PCDHA1: variants seen among roughly 807,000 people sequenced by gnomAD.
PCDHA1 encodes the protein protocadherin alpha 1.
In PCDHA1, 42 loss-of-function variants were observed where a neutral mutation model predicts 61.3. The observed-to-expected ratio is 0.69, with a 90% confidence interval of 0.54 to 0.89. The LOEUF (loss-of-function observed/expected upper bound fraction) is 0.89. PCDHA1 is among the 40% of genes least tolerant of loss of function. PCDHA1 has a pLI of 0.00. For synonymous variants in PCDHA1, 610 were observed against 553.8 expected (o/e 1.10, Z -1.43); for missense variants, 1,256 against 1,235.3 (o/e 1.02, Z -0.25).
At chr5:140,797,252 AC>A (rs558931090) in intron 1 of PCDHA1, 22 of 1,613,146 alleles carry the variant, frequency 1.4e-5, no homozygotes, top group Middle Eastern at 1.6e-4. Flanking sequence ...TCTGGGGAGG[AC>A]CCCCCCAAGA....
At chr5:140,805,118 T>C in intron 1 of PCDHA1, 1 of 1,587,346 alleles carries the variant, frequency 6.3e-7, no homozygotes, top group Middle Eastern at 1.7e-4. Context: ...CTAACAAGAC[T>C]CTTGGCAAAG....
At chr5:140,864,187 AT>A (rs2153225210) in intron 1 of PCDHA1, 1 of 152,208 alleles carries the variant, frequency 6.6e-6, no homozygotes, top group East Asian at 1.9e-4. Context: ...ATGAATAATG[AT>A]CCTTATGAGA....
rs572947059 is a variant in PCDHA1 at position 141,007,735 on chromosome 5, A to G, written c.2543-1892A>G. Reference sequence around the variant, plus strand: ...CCACCAGGGAGAACAAAGGTTAACCACTGAAGATAACTTTGGACTCTTATT... The same window carrying G: ...CCACCAGGGAGAACAAAGGTTAACCGCTGAAGATAACTTTGGACTCTTATT... On this transcript the variant is annotated intron_variant, in intron 3 of 3. Coordinates refer to ENST00000504120, the MANE Select transcript of PCDHA1 (RefSeq NM_018900.4). Among the ~76,000 whole-genome samples, 58 of 152,336 alleles carry G rather than the reference A, an allele frequency of 3.8e-4. 1 individual carries two copies. Among genetic ancestry groups the G allele is most frequent in the South Asian group, 2.9e-3 (14 of 4,824 alleles).
At chr5:140,804,527 CT>C (rs1458069805) in intron 1 of PCDHA1, 1 of 152,098 alleles carries the variant, frequency 6.6e-6, no homozygotes, top group Non-Finnish European at 1.5e-5. Context: ...ACTAGCAAAA[CT>C]TTTTATTCAT....
At chr5:140,937,190 A>T (rs1255488487) in intron 1 of PCDHA1, among the ~76,000 whole-genome samples, 1 of 151,824 alleles carries the variant, frequency 6.6e-6, no homozygotes, top group East Asian at 2.0e-4. Context: ...GGCGCCCGCC[A>T]CCATGCCCGG....
At chr5:140,951,047 A>T (rs2094543631) in intron 1 of PCDHA1, among the ~76,000 whole-genome samples, 1 of 151,878 alleles carries the variant, frequency 6.6e-6, no homozygotes, top group Non-Finnish European at 1.5e-5. Flanking sequence ...TTATATTTTT[A>T]TTGCTAAAAT....
intron 1 of PCDHA1, chr5:140,927,680 G>T: frequency 6.2e-7 from 1 of 1,614,140 alleles, no homozygotes; most frequent in Non-Finnish European, 8.5e-7. Context: ...CCAGATGAAG[G>T]GTCCAATGGG....
At chr5:140,828,585 A>G in intron 1 of PCDHA1, 1 of 1,614,250 alleles carries the variant, frequency 6.2e-7, no homozygotes, top group South Asian at 1.1e-5. Context: ...GTTGGCTCAA[A>G]TTCCATCTTA....
chr5:140,854,867 G>T (rs2043248640), intron 1 of PCDHA1, among the ~76,000 whole-genome samples: 1 of 149,650 alleles, frequency 6.7e-6, no homozygotes, highest in East Asian at 1.9e-4. Context: ...ATATATTTCA[G>T]AACTGTGTCT....
In PCDHA1 at chr5:141,010,896, A is replaced by G. The variant is rs1433932699; in HGVS notation, c.*959A>G. 6.5e-6 allele frequency: 1 copy of G among 153,790 alleles called. No individual in the cohort carries two copies. The highest frequency in any genetic ancestry group is 1.5e-5 in the Non-Finnish European group (1 of 68,052). The allele number at this position is 153,790 out of a possible 1,614,324, so 9.5% of individuals were successfully genotyped here. A position where few individuals can be genotyped will look rare whatever the true frequency, so the allele number is the denominator to read the frequency against. Reference sequence around the variant, plus strand: ...ATCTTTAAAGAGAAATATGAATACAATTCCCCTAAACTCTCCTCAAAAGAG... The same window carrying G: ...ATCTTTAAAGAGAAATATGAATACAGTTCCCCTAAACTCTCCTCAAAAGAG... On this transcript the variant is annotated 3_prime_UTR_variant, in exon 4 of 4. Coordinates refer to ENST00000504120, the MANE Select transcript of PCDHA1 (RefSeq NM_018900.4).
In PCDHA1 at chr5:140,883,981, C is replaced by T. The variant is rs781859248; in HGVS notation, c.2395-94968C>T. 9.3e-6 allele frequency: 15 copies of T among 1,612,896 alleles called. No homozygotes were observed. In the South Asian group the frequency reaches 1.5e-4, roughly 17 times the overall value. ...CGGCGCTGCTGACGCCCGGGGCTGG[C>T]AGCGCGGGAGGCACAGTGAGCGAGC... On this transcript the variant is annotated intron_variant, in intron 1 of 3. Coordinates refer to ENST00000504120, the MANE Select transcript of PCDHA1 (RefSeq NM_018900.4).
In PCDHA1 at chr5:140,848,623, C is replaced by A. The variant is rs186780543; in HGVS notation, c.2394+59939C>A. 2.4e-3 allele frequency: 3,747 copies of A among 1,588,346 alleles called. 451 individuals carry two copies. Among genetic ancestry groups the A allele is most frequent in the Middle Eastern group, 8.5e-3 (48 of 5,656 alleles). On this transcript the variant is annotated intron_variant, in intron 1 of 3. Coordinates refer to ENST00000504120, the MANE Select transcript of PCDHA1 (RefSeq NM_018900.4). ...GTCCCGGAGGAAGCCGAACACGGCA[C>A]CTTCGTGGGCCGCATCGCGCAGGAC...
chr5:140,808,677 G>A lies in PCDHA1; in HGVS notation c.2394+19993G>A, dbSNP rs146494318. The A allele has an allele frequency of 8.7e-6, 14 of 1,612,530 alleles. No homozygotes were observed. In the African/African-American group the frequency reaches 1.9e-4, roughly 22 times the overall value. On this transcript the variant is annotated intron_variant, in intron 1 of 3. Transcript: ENST00000504120. Reference sequence around the variant, plus strand: ...CTGGTGTCCTACTCGCTGGTAGAGCGGCGGGTAGGGGAGCGCGCGCTGTCG... The same window carrying A: ...CTGGTGTCCTACTCGCTGGTAGAGCAGCGGGTAGGGGAGCGCGCGCTGTCG...
chr5:140,907,408 C>T (rs2073363118), intron 1 of PCDHA1, among the ~76,000 whole-genome samples: 1 of 152,118 alleles, frequency 6.6e-6, no homozygotes. Flanking sequence ...TGTGGAATAC[C>T]ACGATGGTGG....
chr5:140,794,416 A>C (rs1192291946), intron 1 of PCDHA1, among the ~76,000 whole-genome samples: 1 of 152,262 alleles, frequency 6.6e-6, no homozygotes, highest in African/African-American at 2.4e-5. Context: ...GAGTCCACTT[A>C]CACGAAATAT....
Position 140,803,572 on chromosome 5 carries a change from A to C in PCDHA1, c.2394+14888A>C, listed in dbSNP as rs782466651. 9.3e-6 allele frequency: 15 copies of C among 1,614,230 alleles called. No individual in the cohort carries two copies. Among genetic ancestry groups the C allele is most frequent in the Non-Finnish European group, 1.3e-5 (15 of 1,180,038 alleles). ...GATAGAGAGGAGAAACAGGATGTGG[A>C]CGTTGATCTCTCAGCCAAAGTGAGT... On this transcript the variant is annotated intron_variant, in intron 1 of 3. Transcript: ENST00000504120.
At chr5:140,876,433 A>G (rs1562712994) in intron 1 of PCDHA1, 19 of 1,614,000 alleles carry the variant, frequency 1.2e-5, no homozygotes, top group Non-Finnish European at 1.6e-5. Flanking sequence ...AATTCAGGTT[A>G]ACGCCATTGA....
chr5:140,848,851 T>C lies in PCDHA1; in HGVS notation c.2394+60167T>C, dbSNP rs2150422604. ...GACAGGCCGCTGCAGGTTTTCCATG[T>C]GGACGTGGAGGTGAAGGACATTAAC... is the stretch of plus-strand genomic sequence containing the variant. On this transcript the variant is annotated intron_variant, in intron 1 of 3. Coordinates refer to ENST00000504120, the MANE Select transcript of PCDHA1 (RefSeq NM_018900.4). 2.7e-5 allele frequency: 43 copies of C among 1,590,598 alleles called. 4 individuals carry two copies. The Middle Eastern group carries it at 5.0e-4, about 19-fold the overall frequency.
rs2150441270 is a variant in PCDHA1, at chr5:140,849,579, G to A, written c.2394+60895G>A. ...AACGCTCTCGGTTCCTGTAAAAGAG[G>A]ACGCACAACTGGGGACAGTTATTGC... On this transcript the variant is annotated intron_variant, in intron 1 of 3. Coordinates refer to ENST00000504120, the MANE Select transcript of PCDHA1 (RefSeq NM_018900.4). 7 of 1,598,680 alleles carry A rather than the reference G, an allele frequency of 4.4e-6. 3 individuals carry two copies. The highest frequency in any genetic ancestry group is 2.2e-5 in the South Asian group (2 of 90,552).
Sources: gnomAD v4.1 joint callset for allele counts (sites outside exome capture counted in the v4.1 genomes callset) on GRCh38, gnomAD v4.1.1 for gene constraint, MANE v1.5 for transcripts, NCBI Gene and HGNC (gene_info 2026-07-23, HGNC 2026-07-21) for gene names.